The following NUBPL variants were observed in gnomAD, a reference collection of about 807,000 sequenced individuals.
NUBPL encodes the protein NUBP iron-sulfur cluster assembly factor, mitochondrial, also known as iron-sulfur cluster transfer protein NUBPL.
Under a neutral mutation model 45.7 loss-of-function variants are expected in NUBPL, and 31 were observed. That is an observed-to-expected ratio of 0.68 (90% CI 0.51 to 0.92). The LOEUF is 0.92. Ranked by LOEUF, NUBPL falls within the 40% of genes least tolerant of loss-of-function variation. The pLI is 0.00. For synonymous variants in NUBPL, 144 were observed against 140.9 expected (o/e 1.02, Z -0.15); for missense variants, 401 against 398.7 (o/e 1.01, Z -0.05).
chr14:31,764,039 G>T (rs2138738010), intron 6 of NUBPL, among the ~76,000 whole-genome samples: 1 of 152,224 alleles, frequency 6.6e-6, no homozygotes, highest in South Asian at 2.1e-4. Context: ...ATAGATGATT[G>T]AGTTAGTTAG....
intron 8 of NUBPL, among the ~76,000 whole-genome samples, chr14:31,831,017 G>A (rs989393002): frequency 1.3e-5 from 2 of 151,506 alleles, no homozygotes; most frequent in Admixed American, 6.6e-5. Context: ...CTTTTCTCAG[G>A]GAGAGGTGCC....
intron 3 of NUBPL, among the ~76,000 whole-genome samples, chr14:31,590,598 A>G (rs573706671): frequency 6.6e-6 from 1 of 152,330 alleles, no homozygotes; most frequent in African/African-American, 2.4e-5. Flanking sequence ...CAGTTTAGTT[A>G]AGGACATTCT....
At chr14:31,667,390 T>G (rs896123829) in intron 4 of NUBPL, among the ~76,000 whole-genome samples, 1 of 152,032 alleles carries the variant, frequency 6.6e-6, no homozygotes, top group Non-Finnish European at 1.5e-5. Flanking sequence ...GCTGTGTTTT[T>G]CAGCACCATC....
At chr14:31,780,267 AC>A (rs1279659978) in intron 6 of NUBPL, among the ~76,000 whole-genome samples, 56 of 151,534 alleles carry the variant, frequency 3.7e-4, no homozygotes, top group African/African-American at 1.3e-3. Flanking sequence ...ATGGGGTTTC[AC>A]CAAGTTGGCC....
chr14:31,662,470 TGCCCCCCACCC>T (rs2036295681), intron 4 of NUBPL, among the ~76,000 whole-genome samples: 1 of 152,028 alleles, frequency 6.6e-6, no homozygotes, highest in Middle Eastern at 3.4e-3. Flanking sequence ...CCCTTCCCTC[TGCCCCCCACCC>T]ACCGACAGGC....
intron 4 of NUBPL, among the ~76,000 whole-genome samples, chr14:31,653,669 T>G (rs1206078815): frequency 6.6e-6 from 1 of 152,178 alleles, no homozygotes; most frequent in African/African-American, 2.4e-5. Context: ...ATTTGTACAA[T>G]AGTGGTCCTG....
At chr14:31,765,634 GTTT>G (rs55773928) in intron 6 of NUBPL, among the ~76,000 whole-genome samples, 44,636 of 149,334 alleles carry the variant, frequency 0.3, 7,442 homozygotes, top group South Asian at 0.41. Flanking sequence ...AAAGCAACAG[GTTT>G]TTTTTTTTTT....
At chr14:31,679,943 G>C (rs561868559) in intron 6 of NUBPL, among the ~76,000 whole-genome samples, 1 of 151,984 alleles carries the variant, frequency 6.6e-6, no homozygotes, top group South Asian at 2.1e-4. Flanking sequence ...TTAGCATATA[G>C]GTCTTCTTTT....
chr14:31,688,579 C>T (rs1312222603), intron 6 of NUBPL, among the ~76,000 whole-genome samples: 5 of 71,860 alleles, frequency 7.0e-5, no homozygotes, highest in Non-Finnish European at 1.1e-4. Context: ...GACTCCATCT[C>T]AAAGAAAAAA....
At chr14:31,842,496 A>C (rs2040392827) in intron 8 of NUBPL, among the ~76,000 whole-genome samples, 1 of 151,794 alleles carries the variant, frequency 6.6e-6, no homozygotes, top group South Asian at 2.1e-4. Flanking sequence ...TCCTTTCTGA[A>C]ATAGGGCCTT....
chr14:31,581,656 AG>A (rs1336409845), intron 3 of NUBPL, among the ~76,000 whole-genome samples: 2 of 152,204 alleles, frequency 1.3e-5, no homozygotes, highest in Non-Finnish European at 2.9e-5. Flanking sequence ...AGGAGAGGTT[AG>A]GGGTTAAAAA....
chr14:31,778,527 C>T (rs1318818237), intron 6 of NUBPL, among the ~76,000 whole-genome samples: 4 of 152,262 alleles, frequency 2.6e-5, no homozygotes, highest in African/African-American at 9.6e-5. Context: ...TGTTAATAGG[C>T]CAAATTTTAT....
chr14:31,711,452 C>CTACCA (rs1399403304), intron 6 of NUBPL, among the ~76,000 whole-genome samples: 13 of 152,064 alleles, frequency 8.5e-5, no homozygotes, highest in Admixed American at 5.9e-4. Flanking sequence ...TGGTACTCAC[C>CTACCA]GCTCGGCGAT....
In NUBPL at chr14:31,681,663, A is replaced by G. The variant is rs540584509; in HGVS notation, c.513+8089A>G. ...ATAATTGATTTAAATTTTTTTTTAA[A>G]TACAAGCAGTTAAGGCTATAAATTT... On this transcript the variant is annotated intron_variant, in intron 6 of 10. Coordinates refer to ENST00000281081, the MANE Select transcript of NUBPL (RefSeq NM_025152.3). Among the ~76,000 whole-genome samples the G allele has an allele frequency of 2.0e-5, 3 of 152,080 alleles. No individual in the cohort carries two copies. In the South Asian group the frequency reaches 6.2e-4, roughly 32 times the overall value.
In NUBPL at chr14:31,834,869, C is replaced by T. The variant is rs543998412; in HGVS notation, c.693+8155C>T. The stretch of plus-strand genomic sequence containing the variant: ...GATCCAAGAAGTCAGCTTTCCAGAG[C>T]CCGTATTCTTAACTGCAGTTTCTGT... On this transcript the variant is annotated intron_variant, in intron 8 of 10. Transcript: ENST00000281081. 4.6e-5 allele frequency among the ~76,000 whole-genome samples: 7 copies of T among 152,270 alleles called. No homozygotes were observed. The East Asian group carries it at 7.7e-4, about 17-fold the overall frequency.
chr14:31,667,392 A>G (rs1020841657), intron 4 of NUBPL, among the ~76,000 whole-genome samples: 1 of 151,920 alleles, frequency 6.6e-6, no homozygotes, highest in Admixed American at 6.6e-5. Flanking sequence ...TGTGTTTTTC[A>G]GCACCATCAG....
intron 3 of NUBPL, among the ~76,000 whole-genome samples, chr14:31,580,354 G>A: frequency 6.6e-6 from 1 of 152,178 alleles, no homozygotes; most frequent in Non-Finnish European, 1.5e-5. Flanking sequence ...TGGGTGCTGT[G>A]GCTCATGCCT....
intron 3 of NUBPL, 94 bp downstream of exon 3, chr14:31,565,142 G>A: frequency 1.3e-6 from 1 of 742,226 alleles, no homozygotes; most frequent in Non-Finnish European, 2.3e-6. Context: ...TCTGTCAGAA[G>A]CTATAGTGTA....
At chr14:31,680,662 G>T (rs1477829411) in intron 6 of NUBPL, among the ~76,000 whole-genome samples, 1 of 151,976 alleles carries the variant, frequency 6.6e-6, no homozygotes, top group African/African-American at 2.4e-5. Context: ...ATCCATGAAG[G>T]CTCAAGTCTC....
Sources: gnomAD v4.1 joint callset for allele counts (sites outside exome capture counted in the v4.1 genomes callset) on GRCh38, gnomAD v4.1.1 for gene constraint, MANE v1.5 for transcripts, NCBI Gene and HGNC (gene_info 2026-07-23, HGNC 2026-07-21) for gene names.